The following UNC13C variants were observed in gnomAD, a reference collection of about 807,000 sequenced individuals.
UNC13C encodes the protein protein unc-13 homolog C.
A neutral mutation model predicts 245.4 loss-of-function variants in UNC13C; 174 were observed. That is an observed-to-expected ratio of 0.71 (90% CI 0.63 to 0.80). The LOEUF is 0.80. UNC13C is among the 30% of genes least tolerant of loss of function. The probability of loss-of-function intolerance (pLI) is 0.00; values close to 1 mark genes in which losing one functional copy is unlikely to be tolerated. For missense variants in UNC13C, 2,829 were observed against 2,602.9 expected (o/e 1.09, Z -1.89); for synonymous variants, 992 against 895.1 (o/e 1.11, Z -1.93).
chr15:54,370,793 A>G (rs1400785891), intron 17 of UNC13C, among the ~76,000 whole-genome samples: 2 of 152,186 alleles, frequency 1.3e-5, no homozygotes, highest in East Asian at 3.9e-4. Flanking sequence ...TCTGAATTTC[A>G]CTCATATTAT....
At chr15:53,918,373 C>T in the UNC13C span, among the ~76,000 whole-genome samples, 6 of 151,920 alleles carry the variant, frequency 3.9e-5, no homozygotes, top group Non-Finnish European at 7.4e-5. Flanking sequence ...TTTTCTCACT[C>T]TCTTATCACA....
intron 13 of UNC13C, among the ~76,000 whole-genome samples, chr15:54,318,826 T>A (rs2038076667): frequency 6.6e-6 from 1 of 151,936 alleles, no homozygotes; most frequent in Non-Finnish European, 1.5e-5. Context: ...AAAAAAATAA[T>A]TATGTCATTT....
At position 54,549,710 on chromosome 15, in the gene UNC13C, T is replaced by C; in HGVS notation, c.5877+19T>C. On this transcript the variant is annotated intron_variant, in intron 28 of 32. Coordinates refer to ENST00000260323, the MANE Select transcript of UNC13C (RefSeq NM_001080534.3). The stretch of plus-strand genomic sequence containing the variant: ...ACTGAAGGTAATAAAAATAAGGAAA[T>C]TACTTATTCATGGAAAGTAGTGAGT... 6.5e-7 allele frequency: 1 copy of C among 1,541,972 alleles called. No individual in the cohort carries two copies. The highest frequency in any genetic ancestry group is 8.9e-7 in the Non-Finnish European group (1 of 1,127,718).
intron 17 of UNC13C, among the ~76,000 whole-genome samples, chr15:54,346,893 T>C (rs1008370168): frequency 4.6e-5 from 7 of 152,188 alleles, no homozygotes; most frequent in Admixed American, 2.0e-4. Context: ...TGGTGTAGGC[T>C]CTTAGGACAT....
chr15:54,093,237 A>G (rs1403102225), intron 2 of UNC13C, among the ~76,000 whole-genome samples: 5 of 151,318 alleles, frequency 3.3e-5, no homozygotes, highest in Admixed American at 1.3e-4. Context: ...TTGTTCCCCA[A>G]TAAAACTTGA....
chr15:53,887,917 T>A, the UNC13C span, among the ~76,000 whole-genome samples: 2 of 152,324 alleles, frequency 1.3e-5, no homozygotes, highest in Admixed American at 6.5e-5. Context: ...TATTCCATGG[T>A]GTATATGTGC....
intron 20 of UNC13C, among the ~76,000 whole-genome samples, chr15:54,495,031 G>C (rs1017905635): frequency 6.6e-6 from 1 of 151,944 alleles, no homozygotes; most frequent in African/African-American, 2.4e-5. Flanking sequence ...CCAGAACACA[G>C]ATTTTTTTGG....
At chr15:54,000,008 T>C (rs1057244263) in intron 1 of UNC13C, among the ~76,000 whole-genome samples, 1 of 152,118 alleles carries the variant, frequency 6.6e-6, no homozygotes, top group Non-Finnish European at 1.5e-5. Flanking sequence ...GCATATCTCT[T>C]CTACAGTTTT....
chr15:54,259,930 G>GT (rs749940109), intron 8 of UNC13C, among the ~76,000 whole-genome samples: 49 of 148,652 alleles, frequency 3.3e-4, no homozygotes, highest in Non-Finnish European at 4.0e-4. Context: ...TTATTCCTGT[G>GT]GTTTTTTTTT....
chr15:54,371,954 G>T (rs1036042197), intron 17 of UNC13C, among the ~76,000 whole-genome samples: 1 of 152,028 alleles, frequency 6.6e-6, no homozygotes, highest in Non-Finnish European at 1.5e-5. Context: ...GGGGAGATTG[G>T]GGAGATCATG....
rs148457223 is a variant in UNC13C, at chr15:54,054,976, C to T, written c.2983+39090C>T. 3.9e-5 allele frequency among the ~76,000 whole-genome samples: 6 copies of T among 152,216 alleles called. No individual in the cohort carries two copies. In the East Asian group the frequency reaches 1.2e-3, roughly 29 times the overall value. On this transcript the variant is annotated intron_variant, in intron 2 of 32. Transcript: ENST00000260323. ...TAACATCTGAATCAACTGTGGCCTA[C>T]ACTGTTTGATCAGGATGACAAAATT...
chr15:53,984,214 T>A (rs898058717), intron 1 of UNC13C, among the ~76,000 whole-genome samples: 1 of 152,086 alleles, frequency 6.6e-6, no homozygotes, highest in African/African-American at 2.4e-5. Flanking sequence ...TATTTTTTTT[T>A]ACAACCAGAT....
chr15:54,435,625 C>G (rs1164084134), intron 19 of UNC13C, among the ~76,000 whole-genome samples: 3 of 151,396 alleles, frequency 2.0e-5, no homozygotes, highest in African/African-American at 4.9e-5. Flanking sequence ...GTAGAAATAC[C>G]TAATGTAGAT....
At chr15:54,428,988 T>C (rs1021716679) in intron 19 of UNC13C, among the ~76,000 whole-genome samples, 1 of 151,756 alleles carries the variant, frequency 6.6e-6, no homozygotes, top group Non-Finnish European at 1.5e-5. Context: ...ATATATTGTA[T>C]AATTCCTTAA....
chr15:54,375,800 A>G (rs2039593993), intron 17 of UNC13C, among the ~76,000 whole-genome samples: 1 of 152,230 alleles, frequency 6.6e-6, no homozygotes, highest in Non-Finnish European at 1.5e-5. Flanking sequence ...CAATGGCTAG[A>G]TTGCAGCCCC....
chr15:54,588,382 C>T (rs538441010), intron 30 of UNC13C, among the ~76,000 whole-genome samples: 69 of 152,338 alleles, frequency 4.5e-4, no homozygotes, highest in African/African-American at 1.6e-3. Flanking sequence ...CTCATTCCCT[C>T]ATCTGTAAAA....
At chr15:54,520,943 A>C (rs143192322) in intron 24 of UNC13C, among the ~76,000 whole-genome samples, 24 of 152,318 alleles carry the variant, frequency 1.6e-4, no homozygotes, top group Non-Finnish European at 2.9e-4. Flanking sequence ...GTAGTTCCAA[A>C]TAAGTTTGGC....
chr15:54,201,615 C>T (rs1315866525), intron 4 of UNC13C, among the ~76,000 whole-genome samples: 1 of 151,852 alleles, frequency 6.6e-6, no homozygotes, highest in Non-Finnish European at 1.5e-5. Context: ...AATCTAGGAT[C>T]ATTTTATGAT....
At chr15:54,382,074 A>G (rs2039737151) in intron 17 of UNC13C, among the ~76,000 whole-genome samples, 1 of 152,340 alleles carries the variant, frequency 6.6e-6, no homozygotes, top group South Asian at 2.1e-4. Flanking sequence ...GTAAAACTAG[A>G]AATCAATAGC....
Sources: allele counts gnomAD v4.1 joint callset (sites outside exome capture counted in the v4.1 genomes callset), GRCh38; gene constraint gnomAD v4.1.1; transcripts MANE v1.5; gene names NCBI Gene and HGNC (gene_info 2026-07-23, HGNC 2026-07-21).